BICRAL: variants seen among roughly 807,000 people sequenced by gnomAD.
The protein encoded by BICRAL is BRD4-interacting chromatin-remodeling complex-associated protein-like.
BICRAL carries 8 observed loss-of-function variants against 91.8 expected under a neutral mutation model. The ratio of observed to expected loss-of-function variants is 0.09; its 90% CI spans 0.05 to 0.16. The LOEUF (loss-of-function observed/expected upper bound fraction) is 0.16, where lower values mean the gene tolerates loss of function less well. BICRAL is among the 10% of genes least tolerant of loss of function. The pLI is 1.00. For missense variants in BICRAL, 1,038 were observed against 1,310.9 expected (o/e 0.79, Z 3.21); for synonymous variants, 445 against 491.1 (o/e 0.91, Z 1.24).
In BICRAL at chr6:42,798,936, A is replaced by T. The variant is rs79670801; in HGVS notation, c.-101-11370A>T. On this transcript the variant is annotated intron_variant, in intron 1 of 12. Coordinates refer to ENST00000314073, the MANE Select transcript of BICRAL (RefSeq NM_001393499.1). ...ACTATATTGTTTTAAAATTTGTATT[A>T]TTTTTTATTGTTATATTGTCATTTT... Among the ~76,000 whole-genome samples the T allele has an allele frequency of 1.1e-3, 50 of 45,886 alleles. No individual in the cohort carries two copies. The African/African-American group carries it at 0.012, about 11-fold the overall frequency. The allele number at this position is 45,886 out of a possible 152,430, so 30.1% of individuals were successfully genotyped here.
At chr6:42,749,484 T>A (rs1423196850) in intron 1 of BICRAL, among the ~76,000 whole-genome samples, 1 of 152,162 alleles carries the variant, frequency 6.6e-6, no homozygotes, top group African/African-American at 2.4e-5. Flanking sequence ...GTAGCCTAAT[T>A]CGAGTTAACA....
rs1007614091 is a variant in BICRAL at position 42,865,579 on chromosome 6, G to C, written c.*133G>C. On this transcript the variant is annotated 3_prime_UTR_variant, in exon 13 of 13. Coordinates refer to ENST00000314073, the MANE Select transcript of BICRAL (RefSeq NM_001393499.1). ...CCAGCCTGCTTGATCTTTCATCACA[G>C]GTTATTCTTTCTAATCTCAATCCTG... is the stretch of plus-strand genomic sequence containing the variant. 4.9e-6 allele frequency: 3 copies of C among 607,634 alleles called. No homozygotes were observed. The African/African-American group carries it at 5.7e-5, about 12-fold the overall frequency. 37.6% of individuals were successfully genotyped at this position (607,634 alleles called of 1,614,324 possible). A position where few individuals can be genotyped will look rare whatever the true frequency, so the allele number is the denominator to read the frequency against.
rs1047221856 is a variant in BICRAL at position 42,811,375 on chromosome 6, C to T, written c.-6+974C>T. ...CGGTGGCTCACGCCTGTAATCCCAG[C>T]ACTTTGGGAGGCCAAGGCGGGCAGA... On this transcript the variant is annotated intron_variant, in intron 2 of 12. Coordinates refer to ENST00000314073, the MANE Select transcript of BICRAL (RefSeq NM_001393499.1). 3.3e-5 allele frequency among the ~76,000 whole-genome samples: 5 copies of T among 152,188 alleles called. No homozygotes were observed. In the East Asian group the frequency reaches 9.6e-4, roughly 29 times the overall value.
chr6:42,814,519 ATTTTTT>A lies in BICRAL; in HGVS notation c.-6+4134_-6+4139del, dbSNP rs70990145. Among the ~76,000 whole-genome samples, 151 of 80,200 alleles carry A rather than the reference ATTTTTT, an allele frequency of 1.9e-3. 2 individuals carry two copies. The highest frequency in any genetic ancestry group is 0.012 in the East Asian group (33 of 2,812). 52.6% of individuals were successfully genotyped at this position (80,200 alleles called of 152,430 possible). On this transcript the variant is annotated intron_variant, in intron 2 of 12. Transcript: ENST00000314073. ...TGTGTGTATATATATATATATATAT[ATTTTTT>A]TTTTTTTTTTTTTTTAGATGAAGTC...
chr6:42,811,344 C>T (rs796339316), intron 2 of BICRAL, among the ~76,000 whole-genome samples: 10 of 152,242 alleles, frequency 6.6e-5, no homozygotes, highest in South Asian at 2.1e-4. Context: ...TAAGTTTGGC[C>T]GGGCACGGTG....
intron 5 of BICRAL, among the ~76,000 whole-genome samples, chr6:42,824,876 A>G (rs1206659518): frequency 6.6e-6 from 1 of 152,162 alleles, no homozygotes; most frequent in East Asian, 1.9e-4. Flanking sequence ...TAATCCCACC[A>G]TTTTAGGAGG....
At chr6:42,835,422 C>T (rs1764611003) in intron 6 of BICRAL, among the ~76,000 whole-genome samples, 2 of 152,238 alleles carry the variant, frequency 1.3e-5, no homozygotes, top group African/African-American at 4.8e-5. Flanking sequence ...AGCCACCATG[C>T]CTGGCCTGTA....
At chr6:42,864,572 C>T in intron 12 of BICRAL, 87 bp from the exon 13 acceptor site, 2 of 1,060,882 alleles carry the variant, frequency 1.9e-6, no homozygotes, top group Non-Finnish European at 2.8e-6. Context: ...GCTGGCTTTG[C>T]CCTCAGCACC....
chr6:42,761,025 G>A (rs899883557), intron 1 of BICRAL, among the ~76,000 whole-genome samples: 5 of 152,004 alleles, frequency 3.3e-5, no homozygotes, highest in Non-Finnish European at 7.3e-5. Context: ...CAGCCTGGGT[G>A]ATAGAGTGAG....
upstream of BICRAL, among the ~76,000 whole-genome samples, chr6:42,780,105 A>G (rs1047580234): frequency 1.3e-5 from 2 of 151,682 alleles, no homozygotes; most frequent in South Asian, 2.1e-4. Flanking sequence ...ATCTCGCACC[A>G]TGTTGCCCAG....
chr6:42,793,314 T>G (rs1462626582), intron 1 of BICRAL, among the ~76,000 whole-genome samples: 10 of 107,050 alleles, frequency 9.3e-5, no homozygotes, highest in African/African-American at 3.4e-4. Context: ...TTTTTTTTTT[T>G]TTTTTTTTTT....
chr6:42,831,290 T>C (rs891353911), intron 6 of BICRAL, among the ~76,000 whole-genome samples: 4 of 152,206 alleles, frequency 2.6e-5, no homozygotes, highest in Non-Finnish European at 5.9e-5. Flanking sequence ...TGGTAGCTGC[T>C]TCTTGGTTGC....
At chr6:42,817,355 C>T (rs945980470) in intron 2 of BICRAL, among the ~76,000 whole-genome samples, 1 of 151,862 alleles carries the variant, frequency 6.6e-6, no homozygotes, top group African/African-American at 2.4e-5. Flanking sequence ...ATTGATTTAA[C>T]CAGGACATTT....
At chr6:42,760,620 G>A (rs912918185) in intron 1 of BICRAL, among the ~76,000 whole-genome samples, 1 of 151,960 alleles carries the variant, frequency 6.6e-6, no homozygotes, top group African/African-American at 2.4e-5. Flanking sequence ...TGCCCAGGCT[G>A]GTCTCGAACT....
chr6:42,776,309 T>A (rs573457061), intron 1 of BICRAL, among the ~76,000 whole-genome samples: 2 of 151,970 alleles, frequency 1.3e-5, no homozygotes, highest in South Asian at 4.2e-4. Flanking sequence ...AGTGCTGGGA[T>A]TACAGGCATG....
intron 1 of BICRAL, among the ~76,000 whole-genome samples, chr6:42,756,913 T>TC (rs1562448032): frequency 1.2e-5 from 1 of 83,400 alleles, no homozygotes; most frequent in Non-Finnish European, 2.4e-5. Flanking sequence ...TCTCTCTCTC[T>TC]CCCTCTCCCC....
rs1765726787 is a variant in BICRAL, at chr6:42,867,085, GC to G, written c.*1641del. On this transcript the variant is annotated 3_prime_UTR_variant, in exon 13 of 13. Transcript: ENST00000314073. The stretch of plus-strand genomic sequence containing the variant: ...CCACTGGTCTTCACTTTAATGTGTT[GC>G]CAGAATCTGCTTCTGGCTGTCGCCA... 7.5e-6 allele frequency: 2 copies of G among 265,268 alleles called. No individual in the cohort carries two copies. Among genetic ancestry groups the G allele is most frequent in the Admixed American group, 9.2e-5 (2 of 21,794 alleles). 16.4% of individuals were successfully genotyped at this position (265,268 alleles called of 1,614,324 possible). A position where few individuals can be genotyped will look rare whatever the true frequency, so the allele number is the denominator to read the frequency against.
chr6:42,854,191 A>G (rs1765276861), intron 8 of BICRAL, among the ~76,000 whole-genome samples: 1 of 152,122 alleles, frequency 6.6e-6, no homozygotes, highest in Non-Finnish European at 1.5e-5. Flanking sequence ...GACACTTTTT[A>G]AAGTCCAACT....
At chr6:42,794,398 A>G (rs1243062734) in intron 1 of BICRAL, among the ~76,000 whole-genome samples, 2 of 150,622 alleles carry the variant, frequency 1.3e-5, no homozygotes, top group East Asian at 1.9e-4. Context: ...ATGCCGGACA[A>G]AATTCACTTA....
Sources: gnomAD v4.1 joint callset for allele counts (sites outside exome capture counted in the v4.1 genomes callset) on GRCh38, gnomAD v4.1.1 for gene constraint, MANE v1.5 for transcripts, NCBI Gene and HGNC (gene_info 2026-07-23, HGNC 2026-07-21) for gene names.